The following POLR1C variants were observed in gnomAD, a reference collection of about 807,000 sequenced individuals.
The protein encoded by POLR1C is DNA-directed RNA polymerases I and III subunit RPAC1.
Under a neutral mutation model 38.3 loss-of-function variants are expected in POLR1C, and 42 were observed. The observed-to-expected ratio is 1.10, with a 90% confidence interval of 0.86 to 1.42. POLR1C has a LOEUF of 1.42. POLR1C is among the 40% of genes most tolerant of loss of function. The pLI, the probability that POLR1C is intolerant of heterozygous loss-of-function variation, is 0.00. For missense variants in POLR1C, 507 were observed against 450.5 expected, an observed-to-expected ratio of 1.13 and a Z score of -1.14; for synonymous variants, 163 against 163.9, an observed-to-expected ratio of 0.99 and a Z score of 0.04.
At chr6:43,561,289 G>A in intron 10 of POLR1C, 1 of 342,302 alleles carries the variant, frequency 2.9e-6, no homozygotes, top group Non-Finnish European at 5.4e-6. Flanking sequence ...AGAAATTACA[G>A]AAAGAAAAAA....
intron 10 of POLR1C, chr6:43,561,089 A>G (rs1191010766): frequency 1.2e-5 from 14 of 1,144,480 alleles, no homozygotes; most frequent in Non-Finnish European, 1.7e-5. Flanking sequence ...AAAAACAGAT[A>G]AATTAAACCC....
chr6:43,557,783 TAAA>T (rs59661301), intron 10 of POLR1C, among the ~76,000 whole-genome samples: 7,598 of 87,188 alleles, frequency 0.087, 432 homozygotes, highest in African/African-American at 0.18. Flanking sequence ...AATAAAGCTG[TAAA>T]AAAAAAAAAA....
chr6:43,517,248 G>C lies in POLR1C; in HGVS notation c.70-58G>C, dbSNP rs1792879098. 4 of 1,607,064 alleles carry C rather than the reference G, an allele frequency of 2.5e-6. No homozygotes were observed. The South Asian group carries it at 3.3e-5, about 13-fold the overall frequency. ...AACAGGGATGGGTCTTGGGATTGGC[G>C]TGGGGATAGCTGTGGGCTCACTGTC... On this transcript the variant is annotated intron_variant, in intron 1 of 8. Coordinates refer to ENST00000642195, the MANE Select transcript of POLR1C (RefSeq NM_203290.4).
At chr6:43,529,865 T>C (rs1793849736), downstream of POLR1C, among the ~76,000 whole-genome samples, 1 of 144,458 alleles carries the variant, frequency 6.9e-6, no homozygotes, top group South Asian at 2.1e-4. Flanking sequence ...TGAGCTTTGA[T>C]GGCACCACTG....
chr6:43,524,350 CT>C (rs1432403984), downstream of POLR1C: 19 of 1,142,076 alleles, frequency 1.7e-5, no homozygotes, highest in Non-Finnish European at 1.9e-5. Context: ...GAAACCCCAT[CT>C]CAAAAAAAAA....
Position 43,517,305 on chromosome 6 carries a change from G to A in POLR1C, c.70-1G>A, listed in dbSNP as rs886041661. Reference sequence around the variant, plus strand: ...TGGACAAATTCGTCCCTTTGCTCTAGGTCCATACTACTGACTTTCCCGGTA... The same window carrying A: ...TGGACAAATTCGTCCCTTTGCTCTAAGTCCATACTACTGACTTTCCCGGTA... On this transcript the variant is annotated splice_acceptor_variant, in intron 1 of 8. Coordinates refer to ENST00000642195, the MANE Select transcript of POLR1C (RefSeq NM_203290.4). LOFTEE classifies it high-confidence loss of function. 3 of 1,613,926 alleles carry A rather than the reference G, an allele frequency of 1.9e-6. No homozygotes were observed. Among genetic ancestry groups the A allele is most frequent in the African/African-American group, 1.3e-5 (1 of 74,898 alleles).
At chr6:43,527,641 G>T in intron 8 of POLR1C, 1 of 1,613,866 alleles carries the variant, frequency 6.2e-7, no homozygotes, top group South Asian at 1.1e-5. Flanking sequence ...TACTGATTAG[G>T]TCCATGACTT....
chr6:43,543,825 C>T (rs988765444), intron 9 of POLR1C, among the ~76,000 whole-genome samples: 14 of 151,888 alleles, frequency 9.2e-5, no homozygotes, highest in African/African-American at 3.4e-4. Flanking sequence ...TACAGGCGCC[C>T]GCCACCATGC....
At chr6:43,536,968 G>GT (rs1284959537) in intron 9 of POLR1C, among the ~76,000 whole-genome samples, 1 of 150,970 alleles carries the variant, frequency 6.6e-6, no homozygotes, top group Non-Finnish European at 1.5e-5. Context: ...TTTTTGTTTT[G>GT]TTTTTTGTTT....
At chr6:43,529,099 C>G (rs1022471708) in intron 8 of POLR1C, 2 of 1,046,974 alleles carry the variant, frequency 1.9e-6, no homozygotes, top group Non-Finnish European at 2.8e-6. Flanking sequence ...CTAAATGGCA[C>G]TGATATTGAA....
In POLR1C at chr6:43,520,512, C is replaced by T. The variant is rs866232820; in HGVS notation, c.655+85C>T. 8.9e-5 allele frequency: 142 copies of T among 1,601,062 alleles called. 1 individual carries two copies. In the Middle Eastern group the frequency reaches 4.1e-3, roughly 46 times the overall value. ...GACTAGGGAACTCAGCTGAGACATT[C>T]CCGGCAGGTAGAAAGCCAAGAGGGT... On this transcript the variant is annotated intron_variant, in intron 6 of 8. Transcript: ENST00000642195.
At chr6:43,530,072 T>C (rs1793867993), downstream of POLR1C, among the ~76,000 whole-genome samples, 1 of 152,034 alleles carries the variant, frequency 6.6e-6, no homozygotes, top group Non-Finnish European at 1.5e-5. Context: ...CTGGCCAACA[T>C]GGCGAAAACC....
At chr6:43,545,026 C>A (rs954015143) in intron 9 of POLR1C, among the ~76,000 whole-genome samples, 74 of 152,208 alleles carry the variant, frequency 4.9e-4, no homozygotes, top group African/African-American at 1.6e-3. Flanking sequence ...GCATGTGCCA[C>A]CATGCCCAGC....
chr6:43,551,813 G>C (rs1795242170), intron 10 of POLR1C, among the ~76,000 whole-genome samples: 1 of 152,068 alleles, frequency 6.6e-6, no homozygotes, highest in East Asian at 1.9e-4. Flanking sequence ...CTACTGGCAC[G>C]CACCACCATG....
At chr6:43,561,032 A>G (rs781157087) in intron 10 of POLR1C, 2 of 1,576,606 alleles carry the variant, frequency 1.3e-6, no homozygotes, top group East Asian at 4.5e-5. Context: ...CACTATATTA[A>G]CGGTGTTGAT....
intron 10 of POLR1C, chr6:43,551,415 C>G (rs1795222257): frequency 3.1e-6 from 5 of 1,613,898 alleles, no homozygotes; most frequent in Non-Finnish European, 4.2e-6. Context: ...AGTTCAGAAC[C>G]ATCTGCAATA....
At chr6:43,523,741 C>G, downstream of POLR1C, 1 of 1,493,012 alleles carries the variant, frequency 6.7e-7, no homozygotes, top group Non-Finnish European at 9.3e-7. Context: ...AGCTCCAGAC[C>G]TGGATCTCTT....
At chr6:43,558,260 T>C (rs560376942) in intron 10 of POLR1C, among the ~76,000 whole-genome samples, 11 of 152,262 alleles carry the variant, frequency 7.2e-5, no homozygotes, top group African/African-American at 9.6e-5. Context: ...GTCTTAAGTA[T>C]GGTTACCATC....
At chr6:43,523,687 T>A, downstream of POLR1C, 1 of 944,772 alleles carries the variant, frequency 1.1e-6, no homozygotes, top group Non-Finnish European at 1.8e-6. Context: ...TTCTTGATAC[T>A]TTAGTATAAT....
Sources: allele counts gnomAD v4.1 joint callset (sites outside exome capture counted in the v4.1 genomes callset), GRCh38; gene constraint gnomAD v4.1.1; transcripts MANE v1.5; gene names NCBI Gene and HGNC (gene_info 2026-07-23, HGNC 2026-07-21).